The following CSMD1 variants were observed in gnomAD, a reference collection of about 807,000 sequenced individuals.
CSMD1 encodes CUB and Sushi multiple domains 1, also known as CUB and sushi domain-containing protein 1.
CSMD1 carries 213 observed loss-of-function variants against 417.5 expected under a neutral mutation model. The observed-to-expected ratio is 0.51, with a 90% CI of 0.46 to 0.57. The LOEUF (loss-of-function observed/expected upper bound fraction) is 0.57. Ranked by LOEUF, CSMD1 falls within the 20% of genes least tolerant of loss-of-function variation. The pLI is 0.00. For missense variants in CSMD1, 6,923 were observed against 4,529.7 expected, an observed-to-expected ratio of 1.53 and a Z score of -15.17; for synonymous variants, 2,862 against 1,736.8, an observed-to-expected ratio of 1.65 and a Z score of -16.11.
intron 1 of CSMD1, among the ~76,000 whole-genome samples, chr8:4,824,623 G>T (rs945387237): frequency 6.6e-6 from 1 of 152,138 alleles, no homozygotes; most frequent in Non-Finnish European, 1.5e-5. Context: ...GTCTGTGTAT[G>T]TGTGTGCGAA....
chr8:4,000,257 T>C (rs1815563642), intron 4 of CSMD1, among the ~76,000 whole-genome samples: 1 of 152,082 alleles, frequency 6.6e-6, no homozygotes, highest in African/African-American at 2.4e-5. Flanking sequence ...GACACCACTG[T>C]GCAAGCACAC....
intron 3 of CSMD1, among the ~76,000 whole-genome samples, chr8:4,370,075 G>C (rs374364235): frequency 6.6e-6 from 1 of 151,660 alleles, no homozygotes; most frequent in African/African-American, 2.4e-5. Context: ...GTTTTTCGGT[G>C]GTAGTCATTC....
intron 3 of CSMD1, among the ~76,000 whole-genome samples, chr8:4,167,243 T>C (rs1797506979): frequency 6.6e-6 from 1 of 152,124 alleles, no homozygotes; most frequent in Non-Finnish European, 1.5e-5. Flanking sequence ...AGGAGTGTCT[T>C]CGAAGGTGAG....
chr8:3,610,456 G>C lies in CSMD1; in HGVS notation c.1097+6254C>G, dbSNP rs181066173. 2.4e-4 allele frequency among the ~76,000 whole-genome samples: 36 copies of C among 152,302 alleles called. No homozygotes were observed. In the East Asian group the frequency reaches 6.0e-3, roughly 25 times the overall value. On this transcript the variant is annotated intron_variant, in intron 8 of 69. Coordinates refer to ENST00000635120, the MANE Select transcript of CSMD1 (RefSeq NM_033225.6). ...AGATCGAAGTGGGACGATCATTTGAGCCCTGGAGTTCGAGATTACAGTACT... is the reference window on the plus strand; with the variant it reads ...AGATCGAAGTGGGACGATCATTTGACCCCTGGAGTTCGAGATTACAGTACT...
intron 7 of CSMD1, among the ~76,000 whole-genome samples, chr8:3,653,304 G>C (rs970696376): frequency 2.0e-5 from 3 of 151,994 alleles, no homozygotes; most frequent in Non-Finnish European, 4.4e-5. Flanking sequence ...TAAAGTTATG[G>C]GGGTTCTTTT....
At chr8:4,909,013 A>G (rs1338932456) in intron 1 of CSMD1, among the ~76,000 whole-genome samples, 1 of 152,174 alleles carries the variant, frequency 6.6e-6, no homozygotes, top group African/African-American at 2.4e-5. Context: ...AAAGGCTGAC[A>G]TGTATTGGTT....
chr8:3,909,744 G>A (rs1056704515), intron 5 of CSMD1, among the ~76,000 whole-genome samples: 2 of 152,134 alleles, frequency 1.3e-5, no homozygotes, highest in South Asian at 2.1e-4. Context: ...AGGGAAGGGG[G>A]TCTTGACTCT....
At chr8:2,968,443 T>G (rs757037040) in intron 57 of CSMD1, among the ~76,000 whole-genome samples, 67 of 152,350 alleles carry the variant, frequency 4.4e-4, no homozygotes, top group Middle Eastern at 6.8e-3. Context: ...GATGAAAAAT[T>G]TCAATTCAGT....
chr8:3,805,675 C>G (rs1800692036), intron 5 of CSMD1, among the ~76,000 whole-genome samples: 1 of 152,106 alleles, frequency 6.6e-6, no homozygotes, highest in East Asian at 1.9e-4. Flanking sequence ...TTTGATTGTA[C>G]TACTGTACCA....
rs1349911850 is a variant in CSMD1, at chr8:3,556,414, T to TAC, written c.1344+18530_1344+18531insGT. Among the ~76,000 whole-genome samples, 384 of 142,044 alleles carry TAC rather than the reference T, an allele frequency of 2.7e-3. 18 individuals carry two copies. Among genetic ancestry groups the TAC allele is most frequent in the African/African-American group, 9.0e-3 (340 of 37,634 alleles). 93.2% of individuals were successfully genotyped at this position (142,044 alleles called of 152,430 possible). ...ATTAATATATATATATATATATATA[T>TAC]TCACACACACAAAGAATTTATGAGG... On this transcript the variant is annotated intron_variant, in intron 10 of 69. Transcript: ENST00000635120.
At chr8:4,673,647 C>G (rs1296186378) in intron 1 of CSMD1, among the ~76,000 whole-genome samples, 2 of 152,114 alleles carry the variant, frequency 1.3e-5, no homozygotes, top group Admixed American at 6.6e-5. Flanking sequence ...TGGTTCTAGT[C>G]CTCATTTACA....
intron 5 of CSMD1, among the ~76,000 whole-genome samples, chr8:3,994,492 C>T (rs1453220552): frequency 1.4e-5 from 2 of 145,572 alleles, no homozygotes; most frequent in African/African-American, 2.5e-5. Flanking sequence ...CTCACCACTA[C>T]ACAAATCCTT....
intron 5 of CSMD1, among the ~76,000 whole-genome samples, chr8:3,797,143 A>C (rs900651910): frequency 2.2e-4 from 34 of 152,004 alleles, no homozygotes; most frequent in African/African-American, 8.2e-4. Flanking sequence ...AATAAAATAC[A>C]GTCAACATAA....
chr8:3,410,691 G>A (rs113987297), intron 12 of CSMD1, among the ~76,000 whole-genome samples: 2,743 of 152,218 alleles, frequency 0.018, 85 homozygotes, highest in African/African-American at 0.063. Context: ...TATCAGCAGT[G>A]TAAAAACAGA....
chr8:4,220,629 T>C (rs968898359), intron 3 of CSMD1, among the ~76,000 whole-genome samples: 2 of 152,094 alleles, frequency 1.3e-5, no homozygotes, highest in Non-Finnish European at 2.9e-5. Context: ...AGTGGTATAT[T>C]TTGGAGGTGG....
intron 3 of CSMD1, among the ~76,000 whole-genome samples, chr8:4,237,744 C>T (rs1402518220): frequency 1.3e-5 from 2 of 152,114 alleles, no homozygotes; most frequent in Non-Finnish European, 2.9e-5. Flanking sequence ...AATTCTTGGG[C>T]TCAAGTGATC....
intron 2 of CSMD1, among the ~76,000 whole-genome samples, chr8:4,595,387 C>CTTTTTTTTTTTTTTTTCTTT: frequency 6.3e-4 from 93 of 147,130 alleles, no homozygotes; most frequent in Admixed American, 8.9e-4. Flanking sequence ...CATTCATTTT[C>CTTTTTTTTTTTTTTTTCTTT]ATTCCATCCA....
chr8:4,122,783 T>G (rs965726357), intron 3 of CSMD1, among the ~76,000 whole-genome samples: 2 of 152,162 alleles, frequency 1.3e-5, no homozygotes, highest in Non-Finnish European at 2.9e-5. Context: ...TGGAAGTCAC[T>G]GTCTTCCATC....
intron 52 of CSMD1, among the ~76,000 whole-genome samples, chr8:3,017,526 AAG>A (rs1274598852): frequency 6.6e-6 from 1 of 152,218 alleles, no homozygotes; most frequent in African/African-American, 2.4e-5. Flanking sequence ...CAGAGTGAGA[AAG>A]AGTGTGAGAA....
Sources: gnomAD v4.1 joint callset for allele counts (sites outside exome capture counted in the v4.1 genomes callset) on GRCh38, gnomAD v4.1.1 for gene constraint, MANE v1.5 for transcripts, NCBI Gene and HGNC (gene_info 2026-07-23, HGNC 2026-07-21) for gene names.